Variants in SNRPB2 observed in about 807,000 individuals in gnomAD.
SNRPB2 encodes the protein small nuclear ribonucleoprotein polypeptide B2.
Under a neutral mutation model 26.3 loss-of-function variants are expected in SNRPB2, and 16 were observed. The observed-to-expected ratio is 0.61, with a 90% CI of 0.41 to 0.92. The LOEUF is 0.92. Among genes scored for constraint, SNRPB2 ranks in the 40% least tolerant of loss-of-function variants. SNRPB2 has a pLI of 0.00. For missense variants in SNRPB2, 179 were observed against 268.1 expected (o/e 0.67, Z 2.32); for synonymous variants, 75 against 89.0 (o/e 0.84, Z 0.88).
At chr20:16,735,168 A>ACTGAT (rs1417300000) in intron 3 of SNRPB2, among the ~76,000 whole-genome samples, 1 of 152,172 alleles carries the variant, frequency 6.6e-6, no homozygotes, top group Non-Finnish European at 1.5e-5. Context: ...AAGAGGAAGA[A>ACTGAT]CTGATCTTGG....
chr20:16,734,249 C>T (rs772330347), intron 3 of SNRPB2, among the ~76,000 whole-genome samples: 51 of 152,252 alleles, frequency 3.3e-4, no homozygotes, highest in Non-Finnish European at 5.1e-4. Flanking sequence ...CTATTCTTTT[C>T]CTACAGAAAG....
At chr20:16,733,164 T>G (rs1265487974) in intron 3 of SNRPB2, among the ~76,000 whole-genome samples, 2 of 152,242 alleles carry the variant, frequency 1.3e-5, no homozygotes, top group Non-Finnish European at 2.9e-5. Context: ...ATTAACTGGC[T>G]CTGTGCCCGT....
intron 6 of SNRPB2, 148 bp downstream of exon 6, chr20:16,740,561 T>C: frequency 1.4e-6 from 2 of 1,389,742 alleles, no homozygotes; most frequent in Non-Finnish European, 1.9e-6. Context: ...TGGAGCCAAT[T>C]TGCCGATTTA....
chr20:16,737,156 A>C, intron 3 of SNRPB2, 105 bp from the exon 4 acceptor site: 1 of 855,216 alleles, frequency 1.2e-6, no homozygotes, highest in Non-Finnish European at 1.7e-6. Flanking sequence ...GGATATGTTT[A>C]AAATTAGCTT....
rs180778101 is a variant in SNRPB2, at chr20:16,733,357, T to C, written c.237+1021T>C. On this transcript the variant is annotated intron_variant, in intron 3 of 6. Transcript: ENST00000246071. ...CTTTAACATTATCTAAGAAAATTCA[T>C]GTAGGCCATGCTAATGCAGGCCTGT... Among the ~76,000 whole-genome samples the C allele has an allele frequency of 4.2e-3, 637 of 152,374 alleles. 2 individuals carry two copies. The highest frequency in any genetic ancestry group is 7.0e-3 in the Non-Finnish European group (474 of 68,040).
In SNRPB2 at chr20:16,732,327, T is replaced by C. The variant is rs755581323; in HGVS notation, c.228T>C (p.Gly76=). The change falls in exon 3 of 7, where the codon GGT becomes GGC. Residue 76 remains glycine, a synonymous_variant. Transcript: ENST00000246071. ...LRQLQGFPFY[G]KPMRIQYAKT... is the part of the protein sequence containing the mutation. Reference sequence around the variant, plus strand: ...AGCTACAAGGATTTCCATTTTATGGTAAACCAATGGTAAGCCAATTCCATT... The same window carrying C: ...AGCTACAAGGATTTCCATTTTATGGCAAACCAATGGTAAGCCAATTCCATT... 2 of 1,556,446 alleles carry C rather than the reference T, an allele frequency of 1.3e-6. No individual in the cohort carries two copies. Among genetic ancestry groups the C allele is most frequent in the Admixed American group, 2.0e-5 (1 of 49,834 alleles).
chr20:16,741,510 T>C lies in SNRPB2; in HGVS notation c.*505T>C, dbSNP rs2072462611. On this transcript the variant is annotated 3_prime_UTR_variant, in exon 7 of 7. Coordinates refer to ENST00000246071, the MANE Select transcript of SNRPB2 (RefSeq NM_003092.5). Reference sequence around the variant, plus strand: ...TTTGTATCCTTTTAAGAAATGAATATATTATTTTGCTGCTAGTAGGGATTC... The same window carrying C: ...TTTGTATCCTTTTAAGAAATGAATACATTATTTTGCTGCTAGTAGGGATTC... 6.6e-6 allele frequency: 1 copy of C among 152,214 alleles called. No homozygotes were observed. Among genetic ancestry groups the C allele is most frequent in the African/African-American group, 2.4e-5 (1 of 41,460 alleles). 9.4% of individuals were successfully genotyped at this position (152,214 alleles called of 1,614,324 possible).
At chr20:16,736,057 A>G (rs1034050875) in intron 3 of SNRPB2, among the ~76,000 whole-genome samples, 2 of 152,226 alleles carry the variant, frequency 1.3e-5, no homozygotes, top group Non-Finnish European at 2.9e-5. Flanking sequence ...TGCTTATAGC[A>G]GCTTTATTCC....
At chr20:16,732,134 A>G (rs780611436) in intron 2 of SNRPB2, 30 bp from the exon 3 acceptor site, 6 of 1,413,130 alleles carry the variant, frequency 4.2e-6, no homozygotes, top group East Asian at 2.4e-5. Context: ...CTTTATTACC[A>G]ATAACTTGTT....
intron 5 of SNRPB2, among the ~76,000 whole-genome samples, chr20:16,739,707 T>C (rs1320117920): frequency 6.6e-6 from 1 of 152,178 alleles, no homozygotes; most frequent in Non-Finnish European, 1.5e-5. Context: ...AGAGCTCTTT[T>C]CTTATATAGA....
chr20:16,736,544 A>G (rs1460202717), intron 3 of SNRPB2, among the ~76,000 whole-genome samples: 1 of 152,262 alleles, frequency 6.6e-6, no homozygotes, highest in Non-Finnish European at 1.5e-5. Context: ...GAAATTTTCC[A>G]TCTAGTTTTC....
At chr20:16,732,370 A>ATC in intron 3 of SNRPB2, 34 bp downstream of exon 3, 2 of 1,189,014 alleles carry the variant, frequency 1.7e-6, no homozygotes, top group Non-Finnish European at 1.2e-6. Context: ...TTTAATCAAG[A>ATC]AATTAATGAT....
rs2072396551 is a variant in SNRPB2, at chr20:16,732,193, T to C, written c.94T>C (p.Ser32Pro). Residue 32 changes from serine (S) to proline (P), a missense_variant, in exon 3 of 7, where the codon TCT (serine) becomes CCT (proline). Coordinates refer to ENST00000246071, the MANE Select transcript of SNRPB2 (RefSeq NM_003092.5). ...ELKRSLYALF[S>P]QFGHVVDIVA... ...GAAGAGATCCCTATATGCCCTGTTT[T>C]CTCAGTTTGGTCATGTGGTGGACAT... 1 of 1,602,656 alleles carries C rather than the reference T, an allele frequency of 6.2e-7. No homozygotes were observed. Among genetic ancestry groups the C allele is most frequent in the Non-Finnish European group, 8.5e-7 (1 of 1,173,564 alleles).
chr20:16,739,128 TGAATCAATGACA>T lies in SNRPB2; in HGVS notation c.429+234_429+245del, dbSNP rs563658672. Among the ~76,000 whole-genome samples, 131 of 152,316 alleles carry T rather than the reference TGAATCAATGACA, an allele frequency of 8.6e-4. 1 individual carries two copies. The highest frequency in any genetic ancestry group is 6.2e-4 in the Non-Finnish European group (42 of 68,016). On this transcript the variant is annotated intron_variant, in intron 5 of 6. Coordinates refer to ENST00000246071, the MANE Select transcript of SNRPB2 (RefSeq NM_003092.5). ...TGACTTTATTTCTTGTTTTCCATAA[TGAATCAATGACA>T]GAATCAAAATGACAGACTTTAAACT...
chr20:16,732,159 GAC>G lies in SNRPB2; in HGVS notation c.65-3_65-2del. ...AATAACTTGTTTCTTTTCTAATTTG[GAC>G]AGAATTGAAGAGATCCCTATATGCC... On this transcript the variant is annotated splice_region_variant and splice_polypyrimidine_tract_variant and intron_variant, in intron 2 of 6. Transcript: ENST00000246071. 1 of 1,546,910 alleles carries G rather than the reference GAC, an allele frequency of 6.5e-7. No individual in the cohort carries two copies. The highest frequency in any genetic ancestry group is 8.7e-7 in the Non-Finnish European group (1 of 1,143,606).
intron 3 of SNRPB2, among the ~76,000 whole-genome samples, chr20:16,733,112 G>A (rs575429494): frequency 2.6e-5 from 4 of 152,184 alleles, no homozygotes; most frequent in Non-Finnish European, 5.9e-5. Flanking sequence ...GAGAGCCAAG[G>A]GCCAGGGTTT....
At chr20:16,730,822 C>G (rs893584361) in intron 1 of SNRPB2, 1 of 152,160 alleles carries the variant, frequency 6.6e-6, no homozygotes, top group Non-Finnish European at 1.5e-5. Flanking sequence ...ATGAGGAAGA[C>G]AAGTGTAGAG....
intron 4 of SNRPB2, 77 bp from the exon 5 acceptor site, chr20:16,738,775 A>G: frequency 1.3e-6 from 1 of 777,144 alleles, no homozygotes; most frequent in South Asian, 1.5e-5. Context: ...TTTTTAATGC[A>G]GTAATTATAA....
At chr20:16,739,889 AATCT>A (rs2072452048) in intron 5 of SNRPB2, among the ~76,000 whole-genome samples, 1 of 142,778 alleles carries the variant, frequency 7.0e-6, no homozygotes, top group African/African-American at 2.6e-5. Flanking sequence ...TCTCGGTGGT[AATCT>A]TTCTAGTTCC....
Sources: gnomAD v4.1 joint callset for allele counts (sites outside exome capture counted in the v4.1 genomes callset) on GRCh38, gnomAD v4.1.1 for gene constraint, MANE v1.5 for transcripts, NCBI Gene and HGNC (gene_info 2026-07-23, HGNC 2026-07-21) for gene names.